The following GPC6 variants were observed in gnomAD, a reference collection of about 807,000 sequenced individuals.
GPC6 encodes the protein glypican-6.
In GPC6, 14 loss-of-function variants were observed where a neutral mutation model predicts 55.2. That is an observed-to-expected ratio of 0.25 (90% CI 0.17 to 0.40). The LOEUF (loss-of-function observed/expected upper bound fraction) is 0.40, where lower values mean the gene tolerates loss of function less well. Among genes scored for constraint, GPC6 ranks in the 10% least tolerant of loss-of-function variants. The pLI is 1.00. For synonymous variants in GPC6, 278 were observed against 259.6 expected (o/e 1.07, Z -0.68); for missense variants, 641 against 708.5 (o/e 0.90, Z 1.08).
chr13:93,280,382 T>C (rs1877909395), intron 1 of GPC6, among the ~76,000 whole-genome samples: 2 of 152,160 alleles, frequency 1.3e-5, no homozygotes, highest in South Asian at 4.1e-4. Flanking sequence ...ATGTACCTGG[T>C]CAGCGGGGCT....
chr13:94,085,823 A>G (rs563246832), intron 4 of GPC6, among the ~76,000 whole-genome samples: 1 of 152,182 alleles, frequency 6.6e-6, no homozygotes, highest in African/African-American at 2.4e-5. Context: ...GTTGCTCTAC[A>G]TTCTCTTAAA....
chr13:94,310,838 T>G (rs929240165), intron 6 of GPC6, among the ~76,000 whole-genome samples: 1 of 152,176 alleles, frequency 6.6e-6, no homozygotes, highest in Non-Finnish European at 1.5e-5. Flanking sequence ...TCTGTCCCAA[T>G]GTTCAGACGA....
chr13:93,529,510 C>CTTTTTTTTTT (rs1165594323), intron 1 of GPC6, among the ~76,000 whole-genome samples: 3 of 85,196 alleles, frequency 3.5e-5, no homozygotes, highest in East Asian at 6.9e-4. Context: ...CTCTGAGATT[C>CTTTTTTTTTT]TTTTTTTTTT....
chr13:93,766,747 TG>T (rs1268028458), intron 2 of GPC6, among the ~76,000 whole-genome samples: 3 of 152,152 alleles, frequency 2.0e-5, no homozygotes, highest in African/African-American at 7.2e-5. Context: ...ATTCTCTTTT[TG>T]GGCATCTTGT....
At chr13:93,301,019 C>CA (rs11405602) in intron 1 of GPC6, among the ~76,000 whole-genome samples, 18,134 of 142,382 alleles carry the variant, frequency 0.13, 1,275 homozygotes, top group East Asian at 0.37. Context: ...AACTCCGTCT[C>CA]AAAAAAAAAA....
intron 1 of GPC6, among the ~76,000 whole-genome samples, chr13:93,333,351 C>T (rs768439389): frequency 2.7e-4 from 41 of 151,712 alleles, no homozygotes; most frequent in Non-Finnish European, 3.1e-4. Flanking sequence ...TCCTTGTATT[C>T]TTTTGTTGTT....
intron 1 of GPC6, among the ~76,000 whole-genome samples, chr13:93,321,498 C>T (rs1187339585): frequency 6.6e-6 from 1 of 152,122 alleles, no homozygotes; most frequent in Non-Finnish European, 1.5e-5. Context: ...AAATCCTTCT[C>T]TGATTCCAGC....
intron 1 of GPC6, among the ~76,000 whole-genome samples, chr13:93,439,695 A>ATG (rs1877711907): frequency 7.3e-6 from 1 of 137,532 alleles, no homozygotes; most frequent in African/African-American, 3.1e-5. Context: ...ATAAATAAAA[A>ATG]AAATAAAATA....
intron 4 of GPC6, among the ~76,000 whole-genome samples, chr13:94,235,809 G>A (rs1594084685): frequency 6.6e-6 from 1 of 152,106 alleles, no homozygotes; most frequent in South Asian, 2.1e-4. Context: ...ATTAAAACAT[G>A]TAGAACCAGT....
chr13:93,382,905 A>G (rs1458033124), intron 1 of GPC6, among the ~76,000 whole-genome samples: 2 of 152,072 alleles, frequency 1.3e-5, no homozygotes, highest in East Asian at 3.9e-4. Context: ...TTCTCTCTAC[A>G]CACATAGTCC....
At chr13:93,308,373 T>G (rs1878950143) in intron 1 of GPC6, among the ~76,000 whole-genome samples, 1 of 152,198 alleles carries the variant, frequency 6.6e-6, no homozygotes, top group Non-Finnish European at 1.5e-5. Context: ...AAGTAACTGG[T>G]GCATAGCAAG....
intron 4 of GPC6, among the ~76,000 whole-genome samples, chr13:94,061,667 G>A (rs1233047460): frequency 2.0e-5 from 3 of 151,642 alleles, no homozygotes; most frequent in Non-Finnish European, 2.9e-5. Context: ...CTTGACTCAT[G>A]GGAGGTGAAA....
At chr13:93,689,074 A>T (rs1045640947) in intron 2 of GPC6, among the ~76,000 whole-genome samples, 1 of 152,006 alleles carries the variant, frequency 6.6e-6, no homozygotes, top group Non-Finnish European at 1.5e-5. Flanking sequence ...CCTCAGATTT[A>T]CTTCAGGGAG....
At chr13:94,213,568 C>T (rs373417475) in intron 4 of GPC6, among the ~76,000 whole-genome samples, 2 of 152,132 alleles carry the variant, frequency 1.3e-5, no homozygotes, top group South Asian at 2.1e-4. Flanking sequence ...GGGTAGCTCT[C>T]GGGTTGGCAG....
rs528844313 is a variant in GPC6, at chr13:94,274,856, A to G, written c.878-11493A>G. Among the ~76,000 whole-genome samples the G allele has an allele frequency of 5.3e-5, 8 of 152,288 alleles. No individual in the cohort carries two copies. In the East Asian group the frequency reaches 1.5e-3, roughly 29 times the overall value. On this transcript the variant is annotated intron_variant, in intron 4 of 8. Transcript: ENST00000377047. ...AACTAAAAAGTTATTTCTACCTAAT[A>G]AAAAAGTACAATAAGATTCTGAATT...
At chr13:93,542,650 C>T (rs372429501) in intron 1 of GPC6, among the ~76,000 whole-genome samples, 1 of 152,212 alleles carries the variant, frequency 6.6e-6, no homozygotes, top group South Asian at 2.1e-4. Context: ...TTCTTCCTAC[C>T]CATGAGCATG....
At chr13:93,943,999 C>G (rs1035143481) in intron 3 of GPC6, among the ~76,000 whole-genome samples, 1 of 152,184 alleles carries the variant, frequency 6.6e-6, no homozygotes, top group Non-Finnish European at 1.5e-5. Flanking sequence ...CATCACTCAG[C>G]ATCCCCTATC....
intron 3 of GPC6, among the ~76,000 whole-genome samples, chr13:93,922,754 A>C (rs1469363589): frequency 6.6e-6 from 1 of 152,200 alleles, no homozygotes; most frequent in Non-Finnish European, 1.5e-5. Context: ...TGGAAAAGCA[A>C]CTGGACTCTT....
At chr13:93,784,147 A>G (rs914045456) in intron 2 of GPC6, among the ~76,000 whole-genome samples, 2 of 152,316 alleles carry the variant, frequency 1.3e-5, no homozygotes, top group East Asian at 1.9e-4. Flanking sequence ...AGAAGAGATA[A>G]TCAGAGGCAG....
Sources: allele counts gnomAD v4.1 joint callset (sites outside exome capture counted in the v4.1 genomes callset), GRCh38; gene constraint gnomAD v4.1.1; transcripts MANE v1.5; gene names NCBI Gene and HGNC (gene_info 2026-07-23, HGNC 2026-07-21).